UVRAG: variants seen among roughly 807,000 people sequenced by gnomAD.
UVRAG encodes the protein UV radiation resistance associated, also known as UV radiation resistance-associated gene protein.
In UVRAG, 19 loss-of-function variants were observed where a neutral mutation model predicts 78.0. The ratio of observed to expected loss-of-function variants is 0.24; its 90% CI spans 0.17 to 0.36. The LOEUF (loss-of-function observed/expected upper bound fraction) is 0.36. UVRAG is among the 10% of genes least tolerant of loss of function. The pLI, the probability that UVRAG is intolerant of heterozygous loss-of-function variation, is 1.00. For synonymous variants in UVRAG, 323 were observed against 324.6 expected, an observed-to-expected ratio of 1.00 and a Z score of 0.05; for missense variants, 740 against 853.8, an observed-to-expected ratio of 0.87 and a Z score of 1.66.
intron 9 of UVRAG, among the ~76,000 whole-genome samples, chr11:76,006,457 T>A (rs1451277058): frequency 6.6e-6 from 1 of 151,818 alleles, no homozygotes; most frequent in Non-Finnish European, 1.5e-5. Flanking sequence ...CCTATGAGTT[T>A]GAGACCAGCC....
intron 6 of UVRAG, among the ~76,000 whole-genome samples, chr11:75,954,990 CAG>C (rs1442652400): frequency 6.6e-6 from 1 of 152,134 alleles, no homozygotes; most frequent in Non-Finnish European, 1.5e-5. Context: ...ACAACTCACA[CAG>C]GGGTACAGAA....
At chr11:76,083,263 G>A (rs1951531605) in intron 13 of UVRAG, among the ~76,000 whole-genome samples, 1 of 151,790 alleles carries the variant, frequency 6.6e-6, no homozygotes, top group African/African-American at 2.4e-5. Context: ...GGTGGATGAG[G>A]AATTTTTAAA....
intron 3 of UVRAG, among the ~76,000 whole-genome samples, chr11:75,866,882 A>G (rs549932356): frequency 2.6e-5 from 4 of 152,242 alleles, no homozygotes; most frequent in Non-Finnish European, 5.9e-5. Flanking sequence ...TAAACTGAAC[A>G]TAAGGCCTGA....
chr11:75,815,965 C>T (rs952617711), intron 1 of UVRAG, among the ~76,000 whole-genome samples: 2 of 152,212 alleles, frequency 1.3e-5, no homozygotes, highest in Non-Finnish European at 2.9e-5. Flanking sequence ...ACGGAGAAAC[C>T]AGTTTGTACT....
intron 1 of UVRAG, among the ~76,000 whole-genome samples, chr11:75,830,590 G>T (rs893853790): frequency 2.6e-5 from 4 of 152,154 alleles, no homozygotes; most frequent in Non-Finnish European, 5.9e-5. Flanking sequence ...CTTTAATATG[G>T]TGTCATAAGA....
chr11:75,874,718 A>G (rs953984949), intron 3 of UVRAG, among the ~76,000 whole-genome samples: 7 of 152,206 alleles, frequency 4.6e-5, no homozygotes, highest in Non-Finnish European at 1.0e-4. Flanking sequence ...AATAGTAGCT[A>G]TTGCTGTAAT....
chr11:76,047,496 G>C (rs931507275), intron 12 of UVRAG, among the ~76,000 whole-genome samples: 2 of 152,082 alleles, frequency 1.3e-5, no homozygotes, highest in Non-Finnish European at 2.9e-5. Flanking sequence ...GTTATATTGT[G>C]GTTCTCTCCC....
chr11:76,049,407 T>C (rs556286939), intron 12 of UVRAG, among the ~76,000 whole-genome samples: 2 of 152,360 alleles, frequency 1.3e-5, no homozygotes, highest in South Asian at 2.1e-4. Context: ...ACATAAAATG[T>C]AGATTTGATG....
At chr11:75,981,041 G>T (rs1236438473) in intron 7 of UVRAG, among the ~76,000 whole-genome samples, 1 of 152,046 alleles carries the variant, frequency 6.6e-6, no homozygotes, top group East Asian at 1.9e-4. Flanking sequence ...TTCTGTATTG[G>T]ATTTATTCTA....
intron 5 of UVRAG, among the ~76,000 whole-genome samples, chr11:75,891,845 T>A (rs1590982959): frequency 6.6e-6 from 1 of 151,586 alleles, no homozygotes; most frequent in South Asian, 2.1e-4. Context: ...GACCAGGAGG[T>A]TGATGGTGCA....
intron 11 of UVRAG, among the ~76,000 whole-genome samples, chr11:76,011,256 T>C (rs1365438131): frequency 6.6e-6 from 1 of 152,228 alleles, no homozygotes; most frequent in East Asian, 1.9e-4. Flanking sequence ...TCTAAGGTCA[T>C]ATTCATTCCC....
intron 13 of UVRAG, among the ~76,000 whole-genome samples, chr11:76,113,790 A>G (rs1305308198): frequency 6.6e-6 from 1 of 152,128 alleles, no homozygotes; most frequent in Non-Finnish European, 1.5e-5. Context: ...TAAGAGGAAG[A>G]AGGTTGGAAA....
chr11:76,106,380 T>G (rs1343670529), intron 13 of UVRAG, among the ~76,000 whole-genome samples: 1 of 152,158 alleles, frequency 6.6e-6, no homozygotes, highest in Non-Finnish European at 1.5e-5. Flanking sequence ...CTATTTTTTT[T>G]TTTAAGATGG....
chr11:75,932,280 T>C (rs760686613), intron 6 of UVRAG, among the ~76,000 whole-genome samples: 6 of 150,738 alleles, frequency 4.0e-5, no homozygotes, highest in Non-Finnish European at 7.4e-5. Flanking sequence ...TTTATTTATT[T>C]ATTTATTTAT....
chr11:76,019,169 A>G (rs1218724237), intron 12 of UVRAG, among the ~76,000 whole-genome samples: 1 of 152,188 alleles, frequency 6.6e-6, no homozygotes, highest in African/African-American at 2.4e-5. Context: ...TCACCTCTAG[A>G]ATATCCACTT....
At chr11:76,117,919 T>G (rs12803298) in intron 14 of UVRAG, among the ~76,000 whole-genome samples, 2 of 152,230 alleles carry the variant, frequency 1.3e-5, no homozygotes, top group African/African-American at 2.4e-5. Flanking sequence ...CCTCCAATTT[T>G]CTTGATATCT....
chr11:76,068,779 G>A (rs1384548287), intron 13 of UVRAG, among the ~76,000 whole-genome samples: 2 of 152,150 alleles, frequency 1.3e-5, no homozygotes, highest in African/African-American at 2.4e-5. Context: ...GCTCCTAAGC[G>A]AGCATTGTAG....
At chr11:76,073,876 A>G (rs922690487) in intron 13 of UVRAG, among the ~76,000 whole-genome samples, 3 of 152,194 alleles carry the variant, frequency 2.0e-5, no homozygotes, top group Non-Finnish European at 2.9e-5. Flanking sequence ...GCGTATCTGT[A>G]TAAGGCTGGA....
intron 12 of UVRAG, among the ~76,000 whole-genome samples, chr11:76,036,782 G>A (rs555500682): frequency 3.3e-5 from 5 of 151,508 alleles, no homozygotes; most frequent in Admixed American, 2.0e-4. Context: ...GGAGACACAT[G>A]TGCCACACAG....
Sources: gnomAD v4.1 joint callset for allele counts (sites outside exome capture counted in the v4.1 genomes callset) on GRCh38, gnomAD v4.1.1 for gene constraint, MANE v1.5 for transcripts, NCBI Gene and HGNC (gene_info 2026-07-23, HGNC 2026-07-21) for gene names.